The following PACRGL variants were observed in gnomAD, a reference collection of about 807,000 sequenced individuals.
PACRGL encodes parkin coregulated like, also known as PACRG-like protein.
PACRGL carries 38 observed loss-of-function variants against 34.5 expected under a neutral mutation model. The ratio of observed to expected loss-of-function variants is 1.10; its 90% CI spans 0.85 to 1.44. The LOEUF is 1.44. PACRGL is among the 40% of genes most tolerant of loss of function. The pLI, the probability that PACRGL is intolerant of heterozygous loss-of-function variation, is 0.00. For missense variants in PACRGL, 305 were observed against 281.4 expected (o/e 1.08, Z -0.60); for synonymous variants, 128 against 100.1 (o/e 1.28, Z -1.66).
At chr4:20,747,589 T>A (rs1752644165) in intron 8 of PACRGL, among the ~76,000 whole-genome samples, 1 of 151,470 alleles carries the variant, frequency 6.6e-6, no homozygotes, top group African/African-American at 2.4e-5. Context: ...ACACCCAGGA[T>A]AAACCTGCCT....
At position 20,709,667 on chromosome 4, in the gene PACRGL, A is replaced by G. The variant is rs375644942; in HGVS notation, c.276-16A>G. ...TTATATTTTTCTTGTTGCATTCACT[A>G]ACTTTTATATTTTAGATTGGTACAT... is the stretch of plus-strand genomic sequence containing the variant. On this transcript the variant is annotated splice_polypyrimidine_tract_variant and intron_variant, in intron 4 of 8. Transcript: ENST00000503585. 38 of 1,513,722 alleles carry G rather than the reference A, an allele frequency of 2.5e-5. No homozygotes were observed. The African/African-American group carries it at 2.6e-4, about 11-fold the overall frequency. 93.8% of individuals were successfully genotyped at this position (1,513,722 alleles called of 1,614,324 possible). A position where few individuals can be genotyped will look rare whatever the true frequency, so the allele number is the denominator to read the frequency against.
intron 7 of PACRGL, among the ~76,000 whole-genome samples, chr4:20,724,063 C>A (rs1294184030): frequency 1.3e-5 from 2 of 152,218 alleles, no homozygotes; most frequent in East Asian, 1.9e-4. Flanking sequence ...TTTTTCAAAA[C>A]CAGTTACTGA....
downstream of PACRGL, among the ~76,000 whole-genome samples, chr4:20,737,486 G>T (rs116086840): frequency 1.1e-3 from 163 of 152,270 alleles, no homozygotes; most frequent in African/African-American, 3.7e-3. Flanking sequence ...GGAGGATCCA[G>T]AACATGGGTA....
At chr4:20,765,018 T>C in the PACRGL span, among the ~76,000 whole-genome samples, 1 of 152,204 alleles carries the variant, frequency 6.6e-6, no homozygotes, top group Non-Finnish European at 1.5e-5. Flanking sequence ...AGAGATGAAG[T>C]CACTTGTTTG....
intron 8 of PACRGL, among the ~76,000 whole-genome samples, chr4:20,746,608 G>T (rs1752480639): frequency 6.6e-6 from 1 of 152,062 alleles, no homozygotes; most frequent in African/African-American, 2.4e-5. Flanking sequence ...ACAGAGCCAA[G>T]CCCTTTACTG....
At chr4:20,726,723 A>G (rs1041802346) in intron 8 of PACRGL, among the ~76,000 whole-genome samples, 17 of 152,212 alleles carry the variant, frequency 1.1e-4, no homozygotes, top group Non-Finnish European at 5.9e-5. Context: ...AATATCTGTT[A>G]CAGATAGTCA....
At chr4:20,758,735 GCAT>G in the PACRGL span, 1 of 962,592 alleles carries the variant, frequency 1.0e-6, no homozygotes, top group Non-Finnish European at 1.7e-6. Flanking sequence ...TAAAAATGTA[GCAT>G]CATGCTATGA....
intron 7 of PACRGL, chr4:20,716,045 A>G: frequency 6.9e-7 from 1 of 1,447,488 alleles, no homozygotes; most frequent in East Asian, 2.5e-5. Context: ...TGTAAATTGC[A>G]TTCAGGAAGA....
intron 7 of PACRGL, among the ~76,000 whole-genome samples, chr4:20,714,434 G>C (rs1403884299): frequency 6.6e-6 from 1 of 151,968 alleles, no homozygotes; most frequent in Non-Finnish European, 1.5e-5. Context: ...CACACTGATG[G>C]GTCTTGACTC....
At chr4:20,744,009 A>G (rs1751819085) in intron 8 of PACRGL, among the ~76,000 whole-genome samples, 1 of 152,360 alleles carries the variant, frequency 6.6e-6, no homozygotes, top group East Asian at 1.9e-4. Context: ...GACACATGAA[A>G]AAATGCTCAT....
intron 8 of PACRGL, among the ~76,000 whole-genome samples, chr4:20,738,408 T>C (rs1310441590): frequency 6.6e-6 from 1 of 152,126 alleles, no homozygotes; most frequent in East Asian, 1.9e-4. Context: ...CCAAAAGATT[T>C]ATGGGACCTA....
At position 20,721,314 on chromosome 4, in the gene PACRGL, T is replaced by C. The variant is rs12108294; in HGVS notation, c.610-3494T>C. On this transcript the variant is annotated intron_variant, in intron 7 of 8. Transcript: ENST00000503585. Reference sequence around the variant, plus strand: ...AAAAGTTTGATCGTCTGAAGCCTTCTTTTGTCACCTCGTCAAAGTCATTCT... The same window carrying C: ...AAAAGTTTGATCGTCTGAAGCCTTCCTTTGTCACCTCGTCAAAGTCATTCT... 2.6e-3 allele frequency among the ~76,000 whole-genome samples: 401 copies of C among 152,284 alleles called. 5 individuals are homozygous for C. The highest frequency in any genetic ancestry group is 9.1e-3 in the African/African-American group (379 of 41,574).
intron 8 of PACRGL, among the ~76,000 whole-genome samples, chr4:20,750,329 G>T (rs1191789709): frequency 6.6e-6 from 1 of 152,098 alleles, no homozygotes; most frequent in Non-Finnish European, 1.5e-5. Flanking sequence ...CCCACAGGCA[G>T]TAAAGTTGGC....
chr4:20,733,133 G>T (rs916885582), downstream of PACRGL, among the ~76,000 whole-genome samples: 3 of 152,116 alleles, frequency 2.0e-5, no homozygotes, highest in Non-Finnish European at 4.4e-5. Context: ...TATCTTATGT[G>T]TTGATCATCA....
intron 5 of PACRGL, among the ~76,000 whole-genome samples, chr4:20,710,034 CA>C (rs553312011): frequency 2.5e-4 from 38 of 151,504 alleles, no homozygotes; most frequent in African/African-American, 8.5e-4. Context: ...GTACTTACTT[CA>C]AAAAAAATAT....
At chr4:20,755,702 G>C (rs577067208), downstream of PACRGL, among the ~76,000 whole-genome samples, 23 of 152,314 alleles carry the variant, frequency 1.5e-4, no homozygotes, top group Admixed American at 5.2e-4. Context: ...ATTTAAGATA[G>C]AGTGGTCAGG....
intron 7 of PACRGL, among the ~76,000 whole-genome samples, chr4:20,715,360 A>G (rs1739395424): frequency 1.3e-5 from 2 of 152,104 alleles, no homozygotes; most frequent in Non-Finnish European, 2.9e-5. Flanking sequence ...CCAGCATGGC[A>G]CATGTATACA....
the PACRGL span, among the ~76,000 whole-genome samples, chr4:20,761,887 A>G: frequency 6.6e-6 from 1 of 152,130 alleles, no homozygotes. Flanking sequence ...CCTTATATTC[A>G]TTACATTAGT....
the PACRGL span, chr4:20,758,903 G>A: frequency 6.2e-7 from 1 of 1,609,580 alleles, no homozygotes; most frequent in African/African-American, 1.3e-5. Context: ...AGGGAAAGTG[G>A]CAGAGAAGCA....
Sources: allele counts gnomAD v4.1 joint callset (sites outside exome capture counted in the v4.1 genomes callset), GRCh38; gene constraint gnomAD v4.1.1; transcripts MANE v1.5; gene names NCBI Gene and HGNC (gene_info 2026-07-23, HGNC 2026-07-21).